CACNA1D: variants seen among roughly 807,000 people sequenced by gnomAD.
CACNA1D encodes the protein voltage-dependent L-type calcium channel subunit alpha-1D.
A neutral mutation model predicts 257.1 loss-of-function variants in CACNA1D; 55 were observed. The observed-to-expected ratio is 0.21, with a 90% CI of 0.17 to 0.27. The LOEUF (loss-of-function observed/expected upper bound fraction) is 0.27. CACNA1D is among the 10% of genes least tolerant of loss of function. CACNA1D has a pLI of 1.00. For missense variants in CACNA1D, 1,876 were observed against 2,784.0 expected (o/e 0.67, Z 7.34); for synonymous variants, 980 against 1,014.9 (o/e 0.97, Z 0.65).
chr3:53,531,397 T>G (rs73840113), intron 3 of CACNA1D, among the ~76,000 whole-genome samples: 1 of 152,328 alleles, frequency 6.6e-6, no homozygotes, highest in African/African-American at 2.4e-5. Flanking sequence ...AAAAATGACA[T>G]TCTCACATAG....
At chr3:53,806,165 T>C (rs1301657674) in intron 45 of CACNA1D, among the ~76,000 whole-genome samples, 66 of 65,532 alleles carry the variant, frequency 1.0e-3, no homozygotes, top group Admixed American at 1.2e-3. Flanking sequence ...TTCTTTTCCC[T>C]CCCCCTCTCC....
In CACNA1D at chr3:53,811,786, G is replaced by A. The variant is rs917125205; in HGVS notation, c.*380G>A. 5.7e-6 allele frequency: 1 copy of A among 176,016 alleles called. No homozygotes were observed. The highest frequency in any genetic ancestry group is 1.2e-5 in the Non-Finnish European group (1 of 83,294). 10.9% of individuals were successfully genotyped at this position (176,016 alleles called of 1,614,324 possible). A position where few individuals can be genotyped will look rare whatever the true frequency, so the allele number is the denominator to read the frequency against. ...GAAGGCATGGCGGCGGGGTGCAGGG[G>A]AAAGTTAAAGGTGATGACGATCATC... On this transcript the variant is annotated 3_prime_UTR_variant, in exon 48 of 48. Transcript: ENST00000350061. This position sits in a 1 kb window ranked among gnomAD's most constrained non-coding sequence, Gnocchi z 4.2.
At chr3:53,672,828 TTGTG>T (rs1276951881) in intron 7 of CACNA1D, among the ~76,000 whole-genome samples, 191 bp from the exon 8 acceptor site, 1 of 88,486 alleles carries the variant, frequency 1.1e-5, no homozygotes, top group African/African-American at 4.3e-5. Context: ...GTATGGATGC[TTGTG>T]TGTGTGTATG....
At chr3:53,632,094 CCT>C (rs1187137274) in intron 3 of CACNA1D, among the ~76,000 whole-genome samples, 1 of 152,194 alleles carries the variant, frequency 6.6e-6, no homozygotes, top group Non-Finnish European at 1.5e-5. Flanking sequence ...CAGGCATTCC[CCT>C]CTCTAGCTAG....
At chr3:53,699,001 A>T (rs1021464843) in intron 8 of CACNA1D, among the ~76,000 whole-genome samples, 3 of 152,180 alleles carry the variant, frequency 2.0e-5, no homozygotes, top group Non-Finnish European at 2.9e-5. Flanking sequence ...TAGTAATAGG[A>T]TTCTTAGAAT....
rs1329492952 is a variant in CACNA1D at position 53,495,906 on chromosome 3, G to A, written c.67+673G>A. On this transcript the variant is annotated intron_variant, in intron 1 of 47. Transcript: ENST00000350061. This position sits in a 1 kb window ranked among gnomAD's most constrained non-coding sequence, Gnocchi z 5.1. ...GGGCACCACGTGCAGCTTCCACGCC[G>A]GCCGGGGCTGGGTCGAGGGAGGATG... Among the ~76,000 whole-genome samples the A allele has an allele frequency of 1.3e-5, 2 of 152,238 alleles. No individual in the cohort carries two copies. The highest frequency in any genetic ancestry group is 2.1e-4 in the South Asian group (1 of 4,828).
intron 3 of CACNA1D, among the ~76,000 whole-genome samples, chr3:53,523,653 T>A (rs891239427): frequency 6.6e-6 from 1 of 152,202 alleles, no homozygotes; most frequent in African/African-American, 2.4e-5. Flanking sequence ...AGGCTTAGAT[T>A]TTAATTTATT....
chr3:53,718,573 C>A, intron 10 of CACNA1D, 185 bp downstream of exon 10: 2 of 688,352 alleles, frequency 2.9e-6, no homozygotes, highest in Non-Finnish European at 5.2e-6. Flanking sequence ...GCACACCTCC[C>A]CACCCCCCGC....
At position 53,723,692 on chromosome 3, in the gene CACNA1D, T is replaced by C; in HGVS notation, c.1892+33T>C. On this transcript the variant is annotated intron_variant, in intron 13 of 47. Transcript: ENST00000350061. This position sits in a 1 kb window ranked among gnomAD's most constrained non-coding sequence, Gnocchi z 5.6. ...AATGTGGGTCCCACTGCAAATGTTT[T>C]ATGAACATGAGGCGGCAACCAGTCA... 1.9e-6 allele frequency: 3 copies of C among 1,605,634 alleles called. No homozygotes were observed. Among genetic ancestry groups the C allele is most frequent in the East Asian group, 2.2e-5 (1 of 44,832 alleles).
At chr3:53,650,971 G>A in intron 4 of CACNA1D, 53 bp downstream of exon 4, 1 of 1,429,122 alleles carries the variant, frequency 7.0e-7, no homozygotes, top group Non-Finnish European at 9.9e-7. Flanking sequence ...GGAGGTGGAG[G>A]TTGGGGGGGG....
At chr3:53,713,079 G>A (rs1344505603) in intron 9 of CACNA1D, among the ~76,000 whole-genome samples, 3 of 152,182 alleles carry the variant, frequency 2.0e-5, no homozygotes, top group Admixed American at 1.3e-4. Flanking sequence ...CTGCTGGCTG[G>A]ACCCCTGGCT....
At chr3:53,507,440 G>A (rs1161796364) in intron 3 of CACNA1D, among the ~76,000 whole-genome samples, 1 of 149,694 alleles carries the variant, frequency 6.7e-6, no homozygotes, top group Non-Finnish European at 1.5e-5. Context: ...GAGATTCCAT[G>A]TCTCCCCCCG....
intron 20 of CACNA1D, among the ~76,000 whole-genome samples, chr3:53,739,902 G>A (rs1322880120): frequency 2.0e-5 from 3 of 152,216 alleles, no homozygotes; most frequent in South Asian, 2.1e-4. Context: ...AGCCAGAAAC[G>A]CGGTTAAAAA....
chr3:53,662,892 G>T (rs1474873747), intron 5 of CACNA1D, among the ~76,000 whole-genome samples: 1 of 152,216 alleles, frequency 6.6e-6, no homozygotes, highest in Non-Finnish European at 1.5e-5. Flanking sequence ...GGTTAGTTTT[G>T]CATGGCCCAT....
chr3:53,680,528 G>T (rs181286384), intron 8 of CACNA1D, among the ~76,000 whole-genome samples: 58 of 152,282 alleles, frequency 3.8e-4, no homozygotes, highest in Non-Finnish European at 7.3e-4. Flanking sequence ...AGAAGAGGGA[G>T]GTTGTTGAGG....
intron 3 of CACNA1D, among the ~76,000 whole-genome samples, chr3:53,614,797 A>G (rs1019761568): frequency 2.6e-5 from 4 of 152,212 alleles, no homozygotes; most frequent in Admixed American, 6.5e-5. Flanking sequence ...TAACTTGGTT[A>G]CAAGTGAAGA....
At position 53,790,970 on chromosome 3, in the gene CACNA1D, G is replaced by A. The variant is rs770758500; in HGVS notation, c.4923+4018G>A. ...CAGATGAGATTTCACTGGCTGATTC[G>A]TTTGTTTCAGATGCTTGAACGGATG... On this transcript the variant is annotated intron_variant, in intron 40 of 47. Transcript: ENST00000350061. The A allele has an allele frequency of 4.1e-5, 29 of 702,242 alleles. No homozygotes were observed. In the Middle Eastern group the frequency reaches 6.9e-4, roughly 17 times the overall value. 43.5% of individuals were successfully genotyped at this position (702,242 alleles called of 1,614,324 possible).
chr3:53,743,897 C>A (rs902817111), intron 22 of CACNA1D, among the ~76,000 whole-genome samples: 2 of 152,096 alleles, frequency 1.3e-5, no homozygotes, highest in Non-Finnish European at 2.9e-5. Flanking sequence ...CTGCTTGGAA[C>A]AGCCCTTTGT....
At chr3:53,555,074 AT>A (rs1187654258) in intron 3 of CACNA1D, among the ~76,000 whole-genome samples, 1 of 152,244 alleles carries the variant, frequency 6.6e-6, no homozygotes, top group Non-Finnish European at 1.5e-5. Context: ...ACTTGTAATT[AT>A]ATTAGAGCAA....
Sources: gnomAD v4.1 joint callset for allele counts (sites outside exome capture counted in the v4.1 genomes callset) on GRCh38, gnomAD v4.1.1 for gene constraint, Gnocchi (gnomAD v3.1) non-coding constraint, MANE v1.5 for transcripts, NCBI Gene and HGNC (gene_info 2026-07-23, HGNC 2026-07-21) for gene names.